The following RAI14 variants were observed in gnomAD, a reference collection of about 807,000 sequenced individuals.
RAI14 encodes ankycorbin.
RAI14 carries 45 observed loss-of-function variants against 115.4 expected under a neutral mutation model. The observed-to-expected ratio is 0.39, with a 90% CI of 0.31 to 0.50. The LOEUF is 0.50. Among genes scored for constraint, RAI14 ranks in the 20% least tolerant of loss-of-function variants. RAI14 has a pLI of 0.85. For synonymous variants in RAI14, 371 were observed against 415.4 expected (o/e 0.89, Z 1.30); for missense variants, 939 against 1,131.2 (o/e 0.83, Z 2.44).
chr5:34,716,475 C>T (rs1052738488), intron 2 of RAI14, among the ~76,000 whole-genome samples: 2 of 151,678 alleles, frequency 1.3e-5, no homozygotes, highest in Non-Finnish European at 2.9e-5. Flanking sequence ...TGCAGTGGTG[C>T]AATCTCGGCT....
intron 1 of RAI14, among the ~76,000 whole-genome samples, chr5:34,664,096 G>T (rs1221694752): frequency 1.3e-5 from 2 of 152,136 alleles, no homozygotes; most frequent in East Asian, 3.8e-4. Context: ...GAATCTAGTT[G>T]TGAGAAAAGG....
rs916707528 is a variant in RAI14, at chr5:34,656,470, G to C, written c.-54G>C. ...GTCCGGGGAGCGCCGCCGCCGCCTC[G>C]ATGGGGTGAGTGCGCGGCACGGAGT... On this transcript the variant is annotated 5_prime_UTR_variant, in exon 1 of 18. Transcript: ENST00000265109. The C allele has an allele frequency of 3.3e-5, 5 of 152,204 alleles. No homozygotes were observed. Among genetic ancestry groups the C allele is most frequent in the Non-Finnish European group, 5.9e-5 (4 of 68,094 alleles). The allele number at this position is 152,204 out of a possible 1,614,324, so 9.4% of individuals were successfully genotyped here. A position where few individuals can be genotyped will look rare whatever the true frequency, so the allele number is the denominator to read the frequency against.
At chr5:34,804,903 C>T (rs1045293748) in intron 5 of RAI14, among the ~76,000 whole-genome samples, 6 of 152,148 alleles carry the variant, frequency 3.9e-5, no homozygotes, top group African/African-American at 1.4e-4. Flanking sequence ...TTTTAAATCT[C>T]CATTCCCATT....
intron 3 of RAI14, among the ~76,000 whole-genome samples, chr5:34,758,726 A>G (rs375756712): frequency 1.2e-4 from 19 of 152,182 alleles, no homozygotes; most frequent in African/African-American, 4.6e-4. Context: ...GATTTTATAA[A>G]TAAAGTTTTA....
intron 3 of RAI14, among the ~76,000 whole-genome samples, chr5:34,760,433 T>G (rs1226313944): frequency 6.6e-6 from 1 of 152,208 alleles, no homozygotes; most frequent in African/African-American, 2.4e-5. Flanking sequence ...TTTTTTGTTC[T>G]GAGGTGTTTG....
At chr5:34,685,910 C>T (rs1389698167) in intron 1 of RAI14, 1 of 152,206 alleles carries the variant, frequency 6.6e-6, no homozygotes, top group Non-Finnish European at 1.5e-5. Flanking sequence ...CAGCTCAACT[C>T]AGAATTGCTG....
chr5:34,827,881 T>C lies in RAI14; in HGVS notation c.2799+1402T>C, dbSNP rs1041558196. Among the ~76,000 whole-genome samples, 3 of 152,188 alleles carry C rather than the reference T, an allele frequency of 2.0e-5. No homozygotes were observed. The highest frequency in any genetic ancestry group is 4.4e-5 in the Non-Finnish European group (3 of 68,034). On this transcript the variant is annotated intron_variant, in intron 16 of 17. Coordinates refer to ENST00000265109, the MANE Select transcript of RAI14 (RefSeq NM_015577.3). This position sits in a 1 kb window ranked among gnomAD's most constrained non-coding sequence, Gnocchi z 4.2. ...TCTATATAAGTTATCAGCAAAGAGATGCCCAGCATACCGTGGGCATACAAA... is the reference window on the plus strand; with the variant it reads ...TCTATATAAGTTATCAGCAAAGAGACGCCCAGCATACCGTGGGCATACAAA...
chr5:34,830,912 T>G lies in RAI14; in HGVS notation c.*147T>G. 1 of 1,421,376 alleles carries G rather than the reference T, an allele frequency of 7.0e-7. No homozygotes were observed. Among genetic ancestry groups the G allele is most frequent in the Non-Finnish European group, 9.3e-7 (1 of 1,075,596 alleles). The allele number at this position is 1,421,376 out of a possible 1,614,324, so 88.0% of individuals were successfully genotyped here. A position where few individuals can be genotyped will look rare whatever the true frequency, so the allele number is the denominator to read the frequency against. On this transcript the variant is annotated 3_prime_UTR_variant, in exon 18 of 18. Coordinates refer to ENST00000265109, the MANE Select transcript of RAI14 (RefSeq NM_015577.3). ...CCCTTTCCAAAGGTTTCTGAGGACT[T>G]CTCCCAGGAGAAGACTGCCCGCCTC...
intron 16 of RAI14, among the ~76,000 whole-genome samples, chr5:34,828,074 G>A (rs1757626806): frequency 6.6e-6 from 1 of 152,190 alleles, no homozygotes; most frequent in Non-Finnish European, 1.5e-5. Context: ...CCAGTGGAGT[G>A]GGGAGGAGGG....
At chr5:34,699,465 T>C (rs1327122145) in intron 2 of RAI14, among the ~76,000 whole-genome samples, 1 of 152,236 alleles carries the variant, frequency 6.6e-6, no homozygotes, top group Non-Finnish European at 1.5e-5. Flanking sequence ...AGCATCATCC[T>C]GATCTCTGCC....
chr5:34,722,915 C>T (rs191015573), intron 2 of RAI14, among the ~76,000 whole-genome samples: 26 of 151,792 alleles, frequency 1.7e-4, no homozygotes, highest in African/African-American at 6.0e-4. Flanking sequence ...ACTAAAAATA[C>T]AAAAATGTAT....
At chr5:34,730,720 C>T (rs10461946) in intron 2 of RAI14, among the ~76,000 whole-genome samples, 11 of 152,130 alleles carry the variant, frequency 7.2e-5, no homozygotes, top group African/African-American at 2.4e-4. Flanking sequence ...TGGTGGCCCA[C>T]GCCTGTTATC....
chr5:34,660,021 T>C (rs1260835420), intron 1 of RAI14, among the ~76,000 whole-genome samples: 2 of 151,816 alleles, frequency 1.3e-5, no homozygotes, highest in African/African-American at 2.4e-5. Context: ...CTACAAAAAA[T>C]ACAAAAATTA....
At chr5:34,712,071 G>A (rs559025353) in intron 2 of RAI14, among the ~76,000 whole-genome samples, 1 of 152,264 alleles carries the variant, frequency 6.6e-6, no homozygotes, top group South Asian at 2.1e-4. Flanking sequence ...GGGCTATCAT[G>A]CCAGCTCTGG....
intron 5 of RAI14, among the ~76,000 whole-genome samples, chr5:34,807,363 T>C (rs112125137): frequency 2.0e-5 from 3 of 152,230 alleles, no homozygotes; most frequent in African/African-American, 7.2e-5. Context: ...GGCCATCTCC[T>C]TGGACTCGAG....
chr5:34,805,302 T>C (rs140787225), intron 5 of RAI14, among the ~76,000 whole-genome samples: 93 of 152,284 alleles, frequency 6.1e-4, no homozygotes, highest in African/African-American at 2.1e-3. Context: ...TGTTCCTCTT[T>C]GCACTCTAGC....
chr5:34,789,068 G>A lies in RAI14; in HGVS notation c.168-6871G>A, dbSNP rs186566793. Among the ~76,000 whole-genome samples the A allele has an allele frequency of 3.2e-3, 494 of 152,228 alleles. 1 individual carries two copies. Among genetic ancestry groups the A allele is most frequent in the African/African-American group, 0.011 (464 of 41,548 alleles). ...CTAATCTGTAGGCTCTTTTTATTTA[G>A]AGTTGCCAGCTATCCAGGACACAGG... On this transcript the variant is annotated intron_variant, in intron 3 of 17. Transcript: ENST00000265109.
rs1401002473 is a variant in RAI14, at chr5:34,823,805, G to A, written c.1963G>A (p.Ala655Thr). ...CGAGCTGTCACAGCTGTACAAAGAAGCCCAGGCTGAGCTGGAGGATTACAG... is the reference window on the plus strand; with the variant it reads ...CGAGCTGTCACAGCTGTACAAAGAAACCCAGGCTGAGCTGGAGGATTACAG... ...VSELSQLYKE[A>T]QAELEDYRKR... Residue 655 changes from alanine (A) to threonine (T), a missense_variant, in exon 15 of 18, where the codon GCC becomes ACC. Physicochemically the swap from Ala to Thr is moderately conservative, Grantham distance 58. Transcript: ENST00000265109. The surrounding 1 kb of genome is among the most constrained non-coding windows in gnomAD (Gnocchi z 4.5). The A allele has an allele frequency of 6.2e-7, 1 of 1,614,010 alleles. No individual in the cohort carries two copies. Among genetic ancestry groups the A allele is most frequent in the African/African-American group, 1.3e-5 (1 of 74,918 alleles).
chr5:34,758,678 G>A (rs1211198971), intron 3 of RAI14, among the ~76,000 whole-genome samples: 1 of 152,034 alleles, frequency 6.6e-6, no homozygotes, highest in Non-Finnish European at 1.5e-5. Flanking sequence ...CAAATAACTG[G>A]GACTACAGGC....
Sources: gnomAD v4.1 joint callset for allele counts (sites outside exome capture counted in the v4.1 genomes callset) on GRCh38, gnomAD v4.1.1 for gene constraint, Gnocchi (gnomAD v3.1) non-coding constraint, MANE v1.5 for transcripts, NCBI Gene and HGNC (gene_info 2026-07-23, HGNC 2026-07-21) for gene names.